Variants in TBC1D5 observed in about 807,000 individuals in gnomAD.
TBC1D5 encodes the protein TBC1 domain family, member 5.
In TBC1D5, 75 loss-of-function variants were observed where a neutral mutation model predicts 100.3. The observed-to-expected ratio is 0.75, with a 90% CI of 0.62 to 0.91. TBC1D5 has a LOEUF of 0.91. Ranked by LOEUF, TBC1D5 falls within the 40% of genes least tolerant of loss-of-function variation. The pLI, the probability that TBC1D5 is intolerant of heterozygous loss-of-function variation, is 0.00. For synonymous variants in TBC1D5, 323 were observed against 325.6 expected (o/e 0.99, Z 0.09); for missense variants, 910 against 942.4 (o/e 0.97, Z 0.45).
At chr3:17,406,915 G>C (rs747156203) in intron 4 of TBC1D5, among the ~76,000 whole-genome samples, 10 of 152,038 alleles carry the variant, frequency 6.6e-5, no homozygotes, top group Non-Finnish European at 1.0e-4. Context: ...GATTATATTA[G>C]CTTCTCATGT....
chr3:17,256,758 T>C (rs2077730785), intron 16 of TBC1D5, among the ~76,000 whole-genome samples: 1 of 152,160 alleles, frequency 6.6e-6, no homozygotes, highest in East Asian at 1.9e-4. Flanking sequence ...AGACAGATTA[T>C]AAATACACAA....
chr3:17,725,057 T>C (rs1166655648), intron 1 of TBC1D5, among the ~76,000 whole-genome samples: 1 of 152,212 alleles, frequency 6.6e-6, no homozygotes, highest in Non-Finnish European at 1.5e-5. Context: ...TACAGTTGTT[T>C]TATAATCTCT....
chr3:17,213,951 A>C (rs2073298704), intron 18 of TBC1D5, among the ~76,000 whole-genome samples: 1 of 151,762 alleles, frequency 6.6e-6, no homozygotes, highest in South Asian at 2.1e-4. Context: ...TTGTAGAGAA[A>C]AAAAGGACTG....
At chr3:17,706,858 CCTT>C (rs1436103997) in intron 1 of TBC1D5, among the ~76,000 whole-genome samples, 5 of 150,402 alleles carry the variant, frequency 3.3e-5, no homozygotes, top group East Asian at 1.9e-4. Flanking sequence ...TTAAGAAAGA[CCTT>C]TTTTTTTTAA....
At chr3:17,411,204 AT>A (rs35110143) in intron 4 of TBC1D5, among the ~76,000 whole-genome samples, 60,404 of 148,124 alleles carry the variant, frequency 0.41, 12,600 homozygotes, top group Middle Eastern at 0.47. Context: ...GATCCTTGGC[AT>A]TTTTTTTTTT....
At chr3:17,522,185 T>C (rs1038403341) in intron 2 of TBC1D5, among the ~76,000 whole-genome samples, 19 of 152,092 alleles carry the variant, frequency 1.2e-4, no homozygotes, top group African/African-American at 4.6e-4. Flanking sequence ...TGCAAAGTGA[T>C]CTGACTTGGG....
intron 3 of TBC1D5, among the ~76,000 whole-genome samples, chr3:17,457,145 G>C (rs1211209974): frequency 1.3e-5 from 2 of 152,008 alleles, no homozygotes; most frequent in Non-Finnish European, 2.9e-5. Context: ...TAGTGTGAAT[G>C]ATATACAATG....
At chr3:17,425,687 A>G (rs2094319301) in intron 4 of TBC1D5, among the ~76,000 whole-genome samples, 2 of 152,164 alleles carry the variant, frequency 1.3e-5, no homozygotes, top group Admixed American at 1.3e-4. Context: ...ACAATCTAAT[A>G]TCATAATAAT....
At position 17,253,506 on chromosome 3, in the gene TBC1D5, T is replaced by C. The variant is rs77290911; in HGVS notation, c.1331+5000A>G. Among the ~76,000 whole-genome samples the C allele has an allele frequency of 9.6e-3, 1,463 of 152,304 alleles. 20 individuals carry two copies. Among genetic ancestry groups the C allele is most frequent in the Non-Finnish European group, 1.0e-2 (680 of 68,010 alleles). On this transcript the variant is annotated intron_variant, in intron 16 of 21. Transcript: ENST00000253692. ...ACAAAACTTAGGTATAATTTATATATAATATACAGATCTTAAATGTTCAAT... is the reference window on the plus strand; with the variant it reads ...ACAAAACTTAGGTATAATTTATATACAATATACAGATCTTAAATGTTCAAT...
At chr3:17,691,032 C>T (rs2071080466) in intron 1 of TBC1D5, among the ~76,000 whole-genome samples, 1 of 152,130 alleles carries the variant, frequency 6.6e-6, no homozygotes, top group Non-Finnish European at 1.5e-5. Flanking sequence ...AGAAACCTTA[C>T]AAAACAGTAA....
intron 1 of TBC1D5, among the ~76,000 whole-genome samples, chr3:17,685,280 A>G (rs569269192): frequency 6.6e-6 from 1 of 152,164 alleles, no homozygotes; most frequent in South Asian, 2.1e-4. Context: ...AACCACAAAG[A>G]AAAAAATCAA....
intron 13 of TBC1D5, among the ~76,000 whole-genome samples, chr3:17,367,108 T>G (rs117107708): frequency 6.6e-6 from 1 of 152,188 alleles, no homozygotes; most frequent in African/African-American, 2.4e-5. Flanking sequence ...TCTATTGATA[T>G]CAAAGTATAA....
intron 8 of TBC1D5, among the ~76,000 whole-genome samples, chr3:17,390,617 G>A (rs1226846054): frequency 1.3e-5 from 2 of 152,046 alleles, no homozygotes; most frequent in African/African-American, 4.8e-5. Flanking sequence ...AACAATAACT[G>A]TTGTTATGCC....
chr3:17,366,009 G>C (rs180922828), intron 13 of TBC1D5, among the ~76,000 whole-genome samples: 2 of 152,186 alleles, frequency 1.3e-5, no homozygotes, highest in African/African-American at 4.8e-5. Context: ...AAGCCTTTTG[G>C]CCAGGTGTGC....
chr3:17,638,190 C>T (rs1242928639), intron 1 of TBC1D5, among the ~76,000 whole-genome samples: 1 of 151,934 alleles, frequency 6.6e-6, no homozygotes, highest in Admixed American at 6.6e-5. Flanking sequence ...ACAAGTCATC[C>T]ATTTGAAGTG....
chr3:17,362,048 G>C (rs947496264), intron 13 of TBC1D5, among the ~76,000 whole-genome samples: 2 of 152,020 alleles, frequency 1.3e-5, no homozygotes, highest in African/African-American at 2.4e-5. Context: ...TGGAGAAAGG[G>C]TAGTCTTTCC....
chr3:17,490,055 G>A (rs1313433850), intron 3 of TBC1D5, among the ~76,000 whole-genome samples: 3 of 152,120 alleles, frequency 2.0e-5, no homozygotes, highest in African/African-American at 7.2e-5. Flanking sequence ...GGCATGAGAT[G>A]GTATCTCACT....
intron 3 of TBC1D5, among the ~76,000 whole-genome samples, chr3:17,505,411 A>T (rs946798413): frequency 8.5e-5 from 13 of 152,154 alleles, no homozygotes; most frequent in African/African-American, 2.9e-4. Flanking sequence ...AGGAGCAGAT[A>T]CCTGTGTCAT....
At chr3:17,490,601 T>G (rs754165671) in intron 3 of TBC1D5, among the ~76,000 whole-genome samples, 1 of 152,068 alleles carries the variant, frequency 6.6e-6, no homozygotes, top group Non-Finnish European at 1.5e-5. Context: ...TTTCCCCTTG[T>G]TTTTTTCAAC....
Sources: gnomAD v4.1 joint callset for allele counts (sites outside exome capture counted in the v4.1 genomes callset) on GRCh38, gnomAD v4.1.1 for gene constraint, MANE v1.5 for transcripts, NCBI Gene and HGNC (gene_info 2026-07-23, HGNC 2026-07-21) for gene names.